ASAP1: variants seen among roughly 807,000 people sequenced by gnomAD.
ASAP1 encodes the protein arf-GAP with SH3 domain, ANK repeat and PH domain-containing protein 1.
Under a neutral mutation model 145.2 loss-of-function variants are expected in ASAP1, and 43 were observed. That is an observed-to-expected ratio of 0.30 (90% CI 0.23 to 0.38). The LOEUF (loss-of-function observed/expected upper bound fraction) is 0.38, where lower values mean the gene tolerates loss of function less well. Ranked by LOEUF, ASAP1 falls within the 10% of genes least tolerant of loss-of-function variation. The pLI, the probability that ASAP1 is intolerant of heterozygous loss-of-function variation, is 1.00. For synonymous variants in ASAP1, 546 were observed against 515.5 expected (o/e 1.06, Z -0.80); for missense variants, 1,018 against 1,355.3 (o/e 0.75, Z 3.91).
In ASAP1 at chr8:130,126,100, A is replaced by T; in HGVS notation, c.1382-11T>A. On this transcript the variant is annotated splice_polypyrimidine_tract_variant and intron_variant, in intron 16 of 29. Transcript: ENST00000518721. ...AAAGCCAGGTGGGTTCTGTGGAAAG[A>T]ATGTTGAAGACAATGAAACAAAAAA... is the stretch of plus-strand genomic sequence containing the variant. 3.1e-6 allele frequency: 5 copies of T among 1,599,168 alleles called. No homozygotes were observed. The South Asian group carries it at 5.7e-5, about 18-fold the overall frequency.
intron 25 of ASAP1, among the ~76,000 whole-genome samples, chr8:130,085,420 C>T (rs920843027): frequency 6.6e-6 from 1 of 152,064 alleles, no homozygotes; most frequent in Non-Finnish European, 1.5e-5. Context: ...ATGTGTTAGT[C>T]TGTTATAAAG....
intron 13 of ASAP1, among the ~76,000 whole-genome samples, chr8:130,146,521 T>C (rs1437678440): frequency 6.6e-6 from 1 of 152,158 alleles, no homozygotes; most frequent in Non-Finnish European, 1.5e-5. Context: ...ATTCTCTCTT[T>C]TCAGTGACAA....
chr8:130,339,882 C>T (rs1189451077), intron 3 of ASAP1, among the ~76,000 whole-genome samples: 1 of 152,118 alleles, frequency 6.6e-6, no homozygotes, highest in Non-Finnish European at 1.5e-5. Context: ...TCCTGAAATT[C>T]CTCCCCTTTC....
At chr8:130,077,097 C>A (rs550882380) in intron 26 of ASAP1, among the ~76,000 whole-genome samples, 2 of 152,182 alleles carry the variant, frequency 1.3e-5, no homozygotes, top group Admixed American at 1.3e-4. Context: ...GAAGGTCTCA[C>A]GTGGGTCAGA....
intron 3 of ASAP1, among the ~76,000 whole-genome samples, chr8:130,346,666 A>C (rs1475866007): frequency 1.3e-5 from 2 of 152,112 alleles, no homozygotes; most frequent in African/African-American, 4.8e-5. Context: ...ATTTGTTCAA[A>C]CTCTTACACA....
chr8:130,388,515 T>C (rs1403386040), intron 2 of ASAP1, among the ~76,000 whole-genome samples: 1 of 152,194 alleles, frequency 6.6e-6, no homozygotes, highest in Non-Finnish European at 1.5e-5. Context: ...CAGATTCAGC[T>C]GGAGATAAAA....
chr8:130,394,328 C>T (rs1210444424), intron 2 of ASAP1, among the ~76,000 whole-genome samples: 1 of 152,106 alleles, frequency 6.6e-6, no homozygotes, highest in Non-Finnish European at 1.5e-5. Flanking sequence ...TTGGGTGTGG[C>T]CATCTTCTAT....
At chr8:130,429,314 C>T (rs559571002) in intron 1 of ASAP1, among the ~76,000 whole-genome samples, 5 of 152,356 alleles carry the variant, frequency 3.3e-5, no homozygotes, top group African/African-American at 1.2e-4. Flanking sequence ...TTCATCACCA[C>T]TGTCATCAGG....
chr8:130,155,883 T>C (rs993219177), intron 12 of ASAP1, among the ~76,000 whole-genome samples: 11 of 152,248 alleles, frequency 7.2e-5, no homozygotes, highest in Non-Finnish European at 1.0e-4. Context: ...AAGAAAATTC[T>C]ATTAGAAAAT....
chr8:130,370,929 G>C (rs1827184366), intron 2 of ASAP1, among the ~76,000 whole-genome samples: 1 of 152,194 alleles, frequency 6.6e-6, no homozygotes, highest in Admixed American at 6.5e-5. Flanking sequence ...TGGGTACAGG[G>C]TTTCTTGTGA....
chr8:130,378,091 G>GT (rs1827590120), intron 2 of ASAP1, among the ~76,000 whole-genome samples: 1 of 152,324 alleles, frequency 6.6e-6, no homozygotes, highest in East Asian at 1.9e-4. Context: ...GATTGCTTGG[G>GT]TTGTACATCC....
chr8:130,089,374 G>A (rs149523718), intron 25 of ASAP1, among the ~76,000 whole-genome samples: 38 of 152,204 alleles, frequency 2.5e-4, no homozygotes, highest in African/African-American at 8.2e-4. Context: ...AGAGCTAAGG[G>A]GCTGTTCTTT....
At chr8:130,091,952 C>T (rs1474535743) in intron 25 of ASAP1, 21 bp downstream of exon 25, 2 of 1,511,308 alleles carry the variant, frequency 1.3e-6, no homozygotes, top group Non-Finnish European at 1.8e-6. Context: ...CAGCTTTGGC[C>T]CTGACTTTAG....
At chr8:130,416,784 G>C (rs1435558343) in intron 1 of ASAP1, among the ~76,000 whole-genome samples, 1 of 152,214 alleles carries the variant, frequency 6.6e-6, no homozygotes, top group Non-Finnish European at 1.5e-5. Flanking sequence ...TGATGCCACA[G>C]TGGTAAAACA....
intron 1 of ASAP1, among the ~76,000 whole-genome samples, chr8:130,442,429 A>G (rs1199649866): frequency 6.6e-6 from 1 of 152,198 alleles, no homozygotes; most frequent in Non-Finnish European, 1.5e-5. Context: ...ATTTTCTTAA[A>G]GCTATCTGGC....
At chr8:130,064,366 G>C (rs962934877) in intron 27 of ASAP1, among the ~76,000 whole-genome samples, 1 of 152,164 alleles carries the variant, frequency 6.6e-6, no homozygotes, top group East Asian at 1.9e-4. Context: ...GAGAGAAACG[G>C]AAGAGCTAAG....
chr8:130,094,121 G>T (rs1206518389), intron 24 of ASAP1, among the ~76,000 whole-genome samples: 1 of 152,156 alleles, frequency 6.6e-6, no homozygotes, highest in African/African-American at 2.4e-5. Context: ...TACAGAGATT[G>T]TTATTATGGC....
intron 3 of ASAP1, among the ~76,000 whole-genome samples, chr8:130,268,490 A>AAC (rs113714700): frequency 0.18 from 23,852 of 132,796 alleles, 2,013 homozygotes; most frequent in South Asian, 0.25. Context: ...CCCGTCTTAA[A>AAC]ACACACACAC....
chr8:130,226,969 T>C (rs1001496622), intron 4 of ASAP1, among the ~76,000 whole-genome samples: 1 of 152,172 alleles, frequency 6.6e-6, no homozygotes, highest in Non-Finnish European at 1.5e-5. Flanking sequence ...GACTACCCAA[T>C]GGAGTCAACC....
Sources: allele counts gnomAD v4.1 joint callset (sites outside exome capture counted in the v4.1 genomes callset), GRCh38; gene constraint gnomAD v4.1.1; transcripts MANE v1.5; gene names NCBI Gene and HGNC (gene_info 2026-07-23, HGNC 2026-07-21).